The following ZNHIT6 variants were observed in gnomAD, a reference collection of about 807,000 sequenced individuals.
ZNHIT6 encodes the protein box C/D snoRNA protein 1.
In ZNHIT6, 45 loss-of-function variants were observed where a neutral mutation model predicts 57.2. That is an observed-to-expected ratio of 0.79 (90% CI 0.62 to 1.01). The LOEUF is 1.01. Ranked by LOEUF, ZNHIT6 falls within the 50% of genes least tolerant of loss-of-function variation. The probability of loss-of-function intolerance (pLI) is 0.00; values close to 1 mark genes in which losing one functional copy is unlikely to be tolerated. For missense variants in ZNHIT6, 528 were observed against 567.3 expected (o/e 0.93, Z 0.70); for synonymous variants, 188 against 190.0 (o/e 0.99, Z 0.09).
At chr1:85,667,083 A>G (rs1050172960) in intron 8 of ZNHIT6, among the ~76,000 whole-genome samples, 3 of 152,192 alleles carry the variant, frequency 2.0e-5, no homozygotes, top group African/African-American at 7.2e-5. Flanking sequence ...ATGCATTATG[A>G]TTATTTATGG....
intron 8 of ZNHIT6, 31 bp from the exon 9 acceptor site, chr1:85,658,002 A>G: frequency 7.3e-7 from 1 of 1,361,344 alleles, no homozygotes; most frequent in Non-Finnish European, 1.0e-6. Context: ...AAAAACCAGG[A>G]AACACTCTTA....
intron 5 of ZNHIT6, among the ~76,000 whole-genome samples, chr1:85,684,874 C>A (rs1189068730): frequency 6.6e-6 from 1 of 152,090 alleles, no homozygotes; most frequent in Non-Finnish European, 1.5e-5. Context: ...CTACCACAAT[C>A]CCAAGGAAAA....
intron 5 of ZNHIT6, 72 bp downstream of exon 5, chr1:85,702,085 T>G (rs1212371690): frequency 9.5e-7 from 1 of 1,050,014 alleles, no homozygotes; most frequent in African/African-American, 1.6e-5. Context: ...CAATGCTCTA[T>G]AGCAACCAAA....
intron 8 of ZNHIT6, 73 bp downstream of exon 8, chr1:85,677,163 A>G: frequency 2.7e-6 from 3 of 1,098,500 alleles, no homozygotes; most frequent in Non-Finnish European, 3.9e-6. Flanking sequence ...TAATAACTTG[A>G]GCTAATCAAG....
At chr1:85,682,172 C>G (rs368494351) in intron 5 of ZNHIT6, among the ~76,000 whole-genome samples, 1 of 137,408 alleles carries the variant, frequency 7.3e-6, no homozygotes, top group African/African-American at 2.6e-5. Context: ...CCACCACGCC[C>G]GGCTAATTTT....
intron 9 of ZNHIT6, among the ~76,000 whole-genome samples, chr1:85,656,457 T>G (rs1275959382): frequency 6.6e-6 from 1 of 152,158 alleles, no homozygotes; most frequent in Non-Finnish European, 1.5e-5. Flanking sequence ...TACTTGAATG[T>G]ACATTCCTAA....
intron 5 of ZNHIT6, among the ~76,000 whole-genome samples, chr1:85,681,887 TTAAA>T (rs1291403357): frequency 6.6e-6 from 1 of 151,982 alleles, no homozygotes; most frequent in Non-Finnish European, 1.5e-5. Flanking sequence ...GTTACTAGTT[TTAAA>T]TAAATAATTC....
intron 1 of ZNHIT6, among the ~76,000 whole-genome samples, chr1:85,707,041 T>C (rs1662704540): frequency 6.6e-6 from 1 of 152,168 alleles, no homozygotes; most frequent in African/African-American, 2.4e-5. Context: ...TCTTCTATGC[T>C]CCTGGGATAC....
At chr1:85,703,741 C>T (rs1277564202) in intron 4 of ZNHIT6, among the ~76,000 whole-genome samples, 1 of 152,038 alleles carries the variant, frequency 6.6e-6, no homozygotes, top group African/African-American at 2.4e-5. Flanking sequence ...TCTTTATAAA[C>T]ATATAAACCT....
chr1:85,706,411 C>A, intron 2 of ZNHIT6, 31 bp downstream of exon 2: 1 of 1,613,514 alleles, frequency 6.2e-7, no homozygotes, highest in Non-Finnish European at 8.5e-7. Context: ...GGTACAGATA[C>A]AGGTTAAAAG....
At chr1:85,688,987 A>C (rs1258351753) in intron 5 of ZNHIT6, among the ~76,000 whole-genome samples, 1 of 152,208 alleles carries the variant, frequency 6.6e-6, no homozygotes, top group African/African-American at 2.4e-5. Flanking sequence ...ATTCTATTTC[A>C]TGCAACTATA....
chr1:85,694,540 C>G (rs943471748), intron 5 of ZNHIT6, among the ~76,000 whole-genome samples: 2 of 151,946 alleles, frequency 1.3e-5, no homozygotes, highest in Non-Finnish European at 2.9e-5. Context: ...TGGCTCACTG[C>G]AAGCTCCGCC....
rs1662701291 is a variant in ZNHIT6 at position 85,706,940 on chromosome 1, G to A, written c.657-433C>T. On this transcript the variant is annotated intron_variant, in intron 1 of 9. Transcript: ENST00000370574. Reference sequence around the variant, plus strand: ...AAGTGAAATTTAGAGAGTAGTAGTAGCACCCTTTTTCCTGAACTCCACGCC... The same window carrying A: ...AAGTGAAATTTAGAGAGTAGTAGTAACACCCTTTTTCCTGAACTCCACGCC... Among the ~76,000 whole-genome samples, 2 of 152,140 alleles carry A rather than the reference G, an allele frequency of 1.3e-5. 1 individual carries two copies. Among genetic ancestry groups the A allele is most frequent in the African/African-American group, 4.8e-5 (2 of 41,418 alleles).
intron 5 of ZNHIT6, among the ~76,000 whole-genome samples, chr1:85,681,622 G>A (rs1174043506): frequency 1.3e-5 from 2 of 152,110 alleles, no homozygotes; most frequent in Non-Finnish European, 2.9e-5. Context: ...CAATCCATTA[G>A]AGCAAGTTAA....
chr1:85,683,486 G>A (rs963069473), intron 5 of ZNHIT6, among the ~76,000 whole-genome samples: 1 of 151,366 alleles, frequency 6.6e-6, no homozygotes, highest in African/African-American at 2.4e-5. Context: ...TTGAGCCACT[G>A]CATTCCAGCC....
chr1:85,672,186 C>T (rs982920264), intron 8 of ZNHIT6, among the ~76,000 whole-genome samples: 1 of 152,130 alleles, frequency 6.6e-6, no homozygotes, highest in Non-Finnish European at 1.5e-5. Context: ...CCAGACCTTA[C>T]TTTTATCTCT....
In ZNHIT6 at chr1:85,653,077, A is replaced by G. The variant is rs1307963450; in HGVS notation, c.*981T>C. 2.6e-5 allele frequency: 4 copies of G among 152,146 alleles called. No individual in the cohort carries two copies. The highest frequency in any genetic ancestry group is 2.0e-4 in the Admixed American group (3 of 15,278). The allele number at this position is 152,146 out of a possible 1,614,324, so 9.4% of individuals were successfully genotyped here. A position where few individuals can be genotyped will look rare whatever the true frequency, so the allele number is the denominator to read the frequency against. On this transcript the variant is annotated 3_prime_UTR_variant, in exon 10 of 10. Coordinates refer to ENST00000370574, the MANE Select transcript of ZNHIT6 (RefSeq NM_017953.4). ...ACTGGTCATCACAACACCCTTCTGC[A>G]GTAATGATGAGAGTGGGCTAGGAAT...
chr1:85,707,063 C>CT (rs1306418358), intron 1 of ZNHIT6, among the ~76,000 whole-genome samples: 1 of 152,182 alleles, frequency 6.6e-6, no homozygotes. Flanking sequence ...GACAACCAAA[C>CT]TACAGTTACT....
chr1:85,660,577 T>C (rs189805662), intron 8 of ZNHIT6, among the ~76,000 whole-genome samples: 19 of 152,256 alleles, frequency 1.2e-4, no homozygotes, highest in Admixed American at 6.5e-5. Flanking sequence ...CAGAGGAATG[T>C]TCAGAGGTAC....
Sources: allele counts gnomAD v4.1 joint callset (sites outside exome capture counted in the v4.1 genomes callset), GRCh38; gene constraint gnomAD v4.1.1; transcripts MANE v1.5; gene names NCBI Gene and HGNC (gene_info 2026-07-23, HGNC 2026-07-21).